The following ATF7IP variants were observed in gnomAD, a reference collection of about 807,000 sequenced individuals.
ATF7IP encodes activating transcription factor 7-interacting protein 1.
Under a neutral mutation model 106.4 loss-of-function variants are expected in ATF7IP, and 23 were observed. The observed-to-expected ratio is 0.22, with a 90% confidence interval of 0.16 to 0.31. The LOEUF (loss-of-function observed/expected upper bound fraction) is 0.31, where lower values mean the gene tolerates loss of function less well. ATF7IP is among the 10% of genes least tolerant of loss of function. The pLI is 1.00. For synonymous variants in ATF7IP, 542 were observed against 539.0 expected (o/e 1.01, Z -0.08); for missense variants, 1,334 against 1,524.3 (o/e 0.88, Z 2.08).
At chr12:14,389,915 C>T (rs1188621562) in intron 1 of ATF7IP, among the ~76,000 whole-genome samples, 3 of 152,186 alleles carry the variant, frequency 2.0e-5, no homozygotes, top group African/African-American at 7.2e-5. Flanking sequence ...TGAGCCACCG[C>T]CCCCAGCCCC....
intron 2 of ATF7IP, among the ~76,000 whole-genome samples, chr12:14,431,673 T>C (rs112537031): frequency 0.48 from 72,882 of 151,782 alleles, 17,578 homozygotes; most frequent in Admixed American, 0.55. Flanking sequence ...GGATTATAGG[T>C]GTGAGCCACC....
chr12:14,496,572 A>C (rs1311960548), intron 14 of ATF7IP, among the ~76,000 whole-genome samples: 22 of 152,190 alleles, frequency 1.4e-4, no homozygotes, highest in Admixed American at 1.4e-3. Flanking sequence ...GTGTACAAAA[A>C]CAGGTCCACA....
chr12:14,490,770 ATTAC>A (rs1293479642), intron 13 of ATF7IP, among the ~76,000 whole-genome samples: 1 of 152,036 alleles, frequency 6.6e-6, no homozygotes, highest in East Asian at 1.9e-4. Flanking sequence ...CCTCATGTAA[ATTAC>A]TTCTGCCGTC....
At chr12:14,465,337 T>A (rs1387391390) in intron 9 of ATF7IP, among the ~76,000 whole-genome samples, 1 of 152,072 alleles carries the variant, frequency 6.6e-6, no homozygotes, top group Non-Finnish European at 1.5e-5. Context: ...GTGTTTCAAA[T>A]GCAAATGAAT....
chr12:14,433,249 G>A (rs1404481514), intron 2 of ATF7IP, among the ~76,000 whole-genome samples: 1 of 152,098 alleles, frequency 6.6e-6, no homozygotes, highest in Non-Finnish European at 1.5e-5. Flanking sequence ...GCTTATGCCT[G>A]TAATCTCAGC....
At chr12:14,474,743 A>T (rs1448260318) in intron 10 of ATF7IP, among the ~76,000 whole-genome samples, 1 of 152,156 alleles carries the variant, frequency 6.6e-6, no homozygotes, top group Non-Finnish European at 1.5e-5. Context: ...TATCTGCTGG[A>T]TGTAATATCT....
At chr12:14,381,460 G>A (rs1351849448) in intron 1 of ATF7IP, among the ~76,000 whole-genome samples, 2 of 152,052 alleles carry the variant, frequency 1.3e-5, no homozygotes. Context: ...GGAACTCATG[G>A]CCTTGAGTGG....
At chr12:14,408,331 T>C (rs999810921) in intron 1 of ATF7IP, among the ~76,000 whole-genome samples, 4 of 152,182 alleles carry the variant, frequency 2.6e-5, no homozygotes, top group Non-Finnish European at 4.4e-5. Flanking sequence ...TATTCGCATC[T>C]ATTCTAAGAT....
chr12:14,376,472 C>G (rs560982197), intron 1 of ATF7IP, among the ~76,000 whole-genome samples: 30 of 152,292 alleles, frequency 2.0e-4, no homozygotes, highest in African/African-American at 7.2e-4. Flanking sequence ...AAATACATCC[C>G]TATTGTGTGC....
chr12:14,408,609 T>C (rs552835550), intron 1 of ATF7IP: 1 of 152,264 alleles, frequency 6.6e-6, no homozygotes, highest in East Asian at 1.9e-4. Flanking sequence ...TAGATTTCTT[T>C]TAAAGGGGCA....
chr12:14,424,406 C>T lies in ATF7IP; in HGVS notation c.491C>T (p.Pro164Leu), dbSNP rs774782440. Reference sequence around the variant, plus strand: ...TCTGGTGATCCCACCTCTAGCGAGCCCTCCTCTAGTGATGCTGCCTCTGGT... The same window carrying T: ...TCTGGTGATCCCACCTCTAGCGAGCTCTCCTCTAGTGATGCTGCCTCTGGT... ...STSGDPTSSEPSSSDAASGDA... is the reference protein window; with the variant it reads ...STSGDPTSSELSSSDAASGDA... Residue 164 changes from proline (P) to leucine (L), a missense_variant, in exon 2 of 15, where the codon CCC becomes CTC. By Grantham distance (98) the Pro-to-Leu change is moderately conservative. Transcript: ENST00000261168. 2 of 1,612,928 alleles carry T rather than the reference C, an allele frequency of 1.2e-6. No homozygotes were observed. Among genetic ancestry groups the T allele is most frequent in the Admixed American group, 1.7e-5 (1 of 59,902 alleles).
In ATF7IP at chr12:14,460,725, C is replaced by T; in HGVS notation, c.2389C>T (p.Leu797Phe). The change falls in exon 9 of 15, where the codon CTT (leucine) becomes TTT (phenylalanine). Residue 797 changes from leucine to phenylalanine, a missense_variant. By Grantham distance (22) the Leu-to-Phe change is conservative. Coordinates refer to ENST00000261168, the MANE Select transcript of ATF7IP (RefSeq NM_018179.5). The part of the protein sequence containing the change: ...VPVAVSSQPQ[L>F]LQSHPGTLVT... The stretch of plus-strand genomic sequence containing the variant: ...TGTTGCAGTATCCTCCCAGCCTCAG[C>T]TTCTACAGAGCCATCCAGGGACTTT... The T allele has an allele frequency of 6.2e-7, 1 of 1,614,218 alleles. No homozygotes were observed. The highest frequency in any genetic ancestry group is 8.5e-7 in the Non-Finnish European group (1 of 1,180,020).
intron 13 of ATF7IP, among the ~76,000 whole-genome samples, chr12:14,490,504 A>G (rs758945797): frequency 6.6e-6 from 1 of 152,212 alleles, no homozygotes; most frequent in Non-Finnish European, 1.5e-5. Flanking sequence ...AGCCTGATGC[A>G]CTGCTCCAAG....
chr12:14,397,138 G>A (rs987658077), intron 1 of ATF7IP, among the ~76,000 whole-genome samples: 1 of 151,942 alleles, frequency 6.6e-6, no homozygotes, highest in Non-Finnish European at 1.5e-5. Flanking sequence ...CTCCAGCTTG[G>A]GCAACAAGAG....
At chr12:14,375,061 G>T (rs1237475105) in intron 1 of ATF7IP, among the ~76,000 whole-genome samples, 8 of 151,068 alleles carry the variant, frequency 5.3e-5, no homozygotes, top group Non-Finnish European at 1.0e-4. Context: ...ACCATGCCTT[G>T]CTTTCCACCA....
At chr12:14,446,873 A>G (rs953069456) in intron 5 of ATF7IP, 115 bp from the exon 6 acceptor site, 23 of 640,606 alleles carry the variant, frequency 3.6e-5, no homozygotes, top group Non-Finnish European at 5.7e-5. Context: ...TTACTCAGCT[A>G]TCTTCTGAGG....
At chr12:14,396,909 C>A (rs1939880417) in intron 1 of ATF7IP, among the ~76,000 whole-genome samples, 1 of 152,018 alleles carries the variant, frequency 6.6e-6, no homozygotes, top group African/African-American at 2.4e-5. Context: ...GCCTGTAATC[C>A]CAGCACTTTG....
chr12:14,370,613 C>T (rs932071393), intron 1 of ATF7IP, among the ~76,000 whole-genome samples: 1 of 151,908 alleles, frequency 6.6e-6, no homozygotes, highest in Admixed American at 6.6e-5. Flanking sequence ...TTTAATTCAT[C>T]GGTATTACAC....
At chr12:14,409,183 G>A (rs957521847) in intron 1 of ATF7IP, among the ~76,000 whole-genome samples, 5 of 151,698 alleles carry the variant, frequency 3.3e-5, no homozygotes, top group African/African-American at 9.7e-5. Flanking sequence ...ATACATAAAT[G>A]TAGTATTAGA....
Sources: gnomAD v4.1 joint callset for allele counts (sites outside exome capture counted in the v4.1 genomes callset) on GRCh38, gnomAD v4.1.1 for gene constraint, MANE v1.5 for transcripts, NCBI Gene and HGNC (gene_info 2026-07-23, HGNC 2026-07-21) for gene names.